AGBL1: variants seen among roughly 807,000 people sequenced by gnomAD.
AGBL1 encodes the protein AGBL carboxypeptidase 1.
In AGBL1, 130 loss-of-function variants were observed where a neutral mutation model predicts 118.9. The ratio of observed to expected loss-of-function variants is 1.09; its 90% confidence interval spans 0.95 to 1.26. The LOEUF (loss-of-function observed/expected upper bound fraction) is 1.26, where lower values mean the gene tolerates loss of function less well. Ranked by LOEUF, AGBL1 falls within the 50% of genes most tolerant of loss-of-function variation. The pLI, the probability that AGBL1 is intolerant of heterozygous loss-of-function variation, is 0.00. For synonymous variants in AGBL1, 555 were observed against 478.9 expected, an observed-to-expected ratio of 1.16 and a Z score of -2.08; for missense variants, 1,584 against 1,298.1, an observed-to-expected ratio of 1.22 and a Z score of -3.38.
chr15:86,821,683 T>C (rs377599734), intron 22 of AGBL1, among the ~76,000 whole-genome samples: 4 of 152,344 alleles, frequency 2.6e-5, no homozygotes, highest in African/African-American at 9.6e-5. Flanking sequence ...TAAATGATAA[T>C]AGTAATAGTT....
intron 22 of AGBL1, among the ~76,000 whole-genome samples, chr15:86,855,262 G>T (rs1242591326): frequency 6.6e-6 from 1 of 152,230 alleles, no homozygotes; most frequent in Admixed American, 6.5e-5. Context: ...TGAAACACAG[G>T]GGGAGGGGGT....
At chr15:86,324,428 A>C (rs2080152909) in intron 17 of AGBL1, among the ~76,000 whole-genome samples, 1 of 152,180 alleles carries the variant, frequency 6.6e-6, no homozygotes, top group African/African-American at 2.4e-5. Context: ...AGGCTTAGGA[A>C]TCATAGTGAG....
chr15:86,736,621 T>C (rs2077603694), intron 22 of AGBL1, among the ~76,000 whole-genome samples: 1 of 152,174 alleles, frequency 6.6e-6, no homozygotes, highest in African/African-American at 2.4e-5. Flanking sequence ...ATACCCTTTT[T>C]CATATTGTGA....
intron 22 of AGBL1, among the ~76,000 whole-genome samples, chr15:86,769,176 G>GAGAGAGAGAGAGAAAGAGGGA (rs1555448306): frequency 0.19 from 12,896 of 66,388 alleles, 753 homozygotes; most frequent in East Asian, 0.34. Context: ...ATTTTGAGAG[G>GAGAGAGAGAGAGAAAGAGGGA]GAGAGAGAGA....
At chr15:86,240,960 C>T (rs892014846) in intron 6 of AGBL1, among the ~76,000 whole-genome samples, 3 of 152,128 alleles carry the variant, frequency 2.0e-5, no homozygotes, top group Non-Finnish European at 4.4e-5. Flanking sequence ...TAACTAATCT[C>T]CTAAAAAGGC....
rs79682527 is a variant in AGBL1 at position 86,281,674 on chromosome 15, T to G, written c.2220+1891T>G. 7.8e-3 allele frequency among the ~76,000 whole-genome samples: 1,190 copies of G among 152,284 alleles called. 17 individuals are homozygous for G. The highest frequency in any genetic ancestry group is 0.028 in the African/African-American group (1,144 of 41,566). On this transcript the variant is annotated intron_variant, in intron 16 of 22. Coordinates refer to ENST00000614907, the MANE Select transcript of AGBL1 (RefSeq NM_001386094.1). The stretch of plus-strand genomic sequence containing the variant: ...AAGTCCCACATTTAGCTAGCAGCCA[T>G]GCAGGAACAGAACATCAGCCCTTGA...
chr15:86,462,655 A>G (rs2082348922), intron 18 of AGBL1, among the ~76,000 whole-genome samples: 1 of 151,526 alleles, frequency 6.6e-6, no homozygotes, highest in Non-Finnish European at 1.5e-5. Flanking sequence ...TCACTGTTCA[A>G]CTCCTACTTA....
intron 22 of AGBL1, among the ~76,000 whole-genome samples, chr15:86,737,675 G>A (rs567389616): frequency 6.6e-6 from 1 of 152,090 alleles, no homozygotes; most frequent in African/African-American, 2.4e-5. Context: ...TATTAGGTGG[G>A]GTTTCAATGG....
intron 21 of AGBL1, among the ~76,000 whole-genome samples, chr15:86,656,225 T>C (rs1244122376): frequency 6.6e-6 from 1 of 152,230 alleles, no homozygotes; most frequent in Non-Finnish European, 1.5e-5. Context: ...CTTTCAACCA[T>C]CTTAACAAGT....
chr15:86,937,807 T>C (rs12595220), intron 23 of AGBL1, among the ~76,000 whole-genome samples: 1 of 151,950 alleles, frequency 6.6e-6, no homozygotes, highest in Non-Finnish European at 1.5e-5. Context: ...AAATAAAAGT[T>C]AAAACAAAAG....
chr15:86,614,183 C>T (rs193278947), intron 21 of AGBL1, among the ~76,000 whole-genome samples: 385 of 152,282 alleles, frequency 2.5e-3, no homozygotes, highest in Non-Finnish European at 3.5e-3. Flanking sequence ...ATATATGCAT[C>T]GAGCTCTATG....
At chr15:86,345,364 G>A (rs1434451675) in intron 17 of AGBL1, among the ~76,000 whole-genome samples, 2 of 152,156 alleles carry the variant, frequency 1.3e-5, no homozygotes, top group African/African-American at 4.8e-5. Flanking sequence ...GCATCAGCGA[G>A]CAACATTAAT....
At chr15:86,188,673 A>G (rs184252105) in intron 5 of AGBL1, among the ~76,000 whole-genome samples, 1 of 152,232 alleles carries the variant, frequency 6.6e-6, no homozygotes, top group Non-Finnish European at 1.5e-5. Context: ...TCCTCAGAAC[A>G]TGCAGAAGCA....
At chr15:86,664,581 T>A (rs2085609466) in intron 21 of AGBL1, among the ~76,000 whole-genome samples, 1 of 152,168 alleles carries the variant, frequency 6.6e-6, no homozygotes, top group Non-Finnish European at 1.5e-5. Context: ...TTGCTATTTC[T>A]TCACTAGACC....
chr15:86,867,461 G>C lies in AGBL1; in HGVS notation c.3159-39626G>C, dbSNP rs1447899874. ...CCGAGGATGAGGGATTCTGTATGTG[G>C]CAGGAGTGAAAACAACAGTTTTTTT... On this transcript the variant is annotated intron_variant, in intron 22 of 22. Coordinates refer to ENST00000614907, the MANE Select transcript of AGBL1 (RefSeq NM_001386094.1). 2.6e-5 allele frequency among the ~76,000 whole-genome samples: 4 copies of C among 152,156 alleles called. No individual in the cohort carries two copies. The East Asian group carries it at 7.7e-4, about 29-fold the overall frequency.
chr15:86,474,441 C>T (rs966836848), intron 18 of AGBL1, among the ~76,000 whole-genome samples: 4 of 152,226 alleles, frequency 2.6e-5, no homozygotes, highest in Non-Finnish European at 2.9e-5. Flanking sequence ...CCGTGCCTGG[C>T]TCAGAGGGTC....
rs573001215 is a variant in AGBL1, at chr15:86,458,083, A to G, written c.2555+60537A>G. On this transcript the variant is annotated intron_variant, in intron 18 of 22. Coordinates refer to ENST00000614907, the MANE Select transcript of AGBL1 (RefSeq NM_001386094.1). Reference sequence around the variant, plus strand: ...ACTGTCCCCGTATATTGCCACTTGAAAAAAATGAGTTAAAAAAATCTGATA... The same window carrying G: ...ACTGTCCCCGTATATTGCCACTTGAGAAAAATGAGTTAAAAAAATCTGATA... Among the ~76,000 whole-genome samples the G allele has an allele frequency of 2.6e-5, 4 of 152,290 alleles. No homozygotes were observed. In the South Asian group the frequency reaches 6.2e-4, roughly 24 times the overall value.
At chr15:86,882,621 G>T (rs2079911821) in intron 22 of AGBL1, among the ~76,000 whole-genome samples, 1 of 152,094 alleles carries the variant, frequency 6.6e-6, no homozygotes, top group African/African-American at 2.4e-5. Context: ...CATATAAAAT[G>T]GTCTGTAGGG....
At chr15:86,160,469 T>A (rs2077252281) in intron 5 of AGBL1, among the ~76,000 whole-genome samples, 1 of 152,158 alleles carries the variant, frequency 6.6e-6, no homozygotes, top group Admixed American at 6.6e-5. Context: ...TAAGAAGCCA[T>A]GGTAGTGCTG....
Sources: gnomAD v4.1 joint callset for allele counts (sites outside exome capture counted in the v4.1 genomes callset) on GRCh38, gnomAD v4.1.1 for gene constraint, MANE v1.5 for transcripts, NCBI Gene and HGNC (gene_info 2026-07-23, HGNC 2026-07-21) for gene names.